The following NUP107 variants were observed in gnomAD, a reference collection of about 807,000 sequenced individuals.
NUP107 encodes nuclear pore complex protein Nup107.
In NUP107, 101 loss-of-function variants were observed where a neutral mutation model predicts 141.0. That is an observed-to-expected ratio of 0.72 (90% CI 0.61 to 0.84). NUP107 has a LOEUF of 0.84. Among genes scored for constraint, NUP107 ranks in the 40% least tolerant of loss-of-function variants. NUP107 has a pLI of 0.00. For synonymous variants in NUP107, 319 were observed against 363.9 expected (o/e 0.88, Z 1.41); for missense variants, 941 against 1,102.7 (o/e 0.85, Z 2.08).
chr12:68,728,861 G>C (rs1877689775), intron 20 of NUP107, among the ~76,000 whole-genome samples: 1 of 151,842 alleles, frequency 6.6e-6, no homozygotes, highest in Admixed American at 6.6e-5. Flanking sequence ...TATGTTGTCT[G>C]TTTACAAGAT....
At chr12:68,687,544 C>T (rs1875559395) in intron 1 of NUP107, 1 of 991,292 alleles carries the variant, frequency 1.0e-6, no homozygotes, top group Non-Finnish European at 1.2e-6. Context: ...AGATCCTTCC[C>T]CTCGGGGAAT....
At chr12:68,707,262 T>G (rs534860548) in intron 8 of NUP107, among the ~76,000 whole-genome samples, 3 of 152,228 alleles carry the variant, frequency 2.0e-5, no homozygotes, top group Admixed American at 6.5e-5. Context: ...TGCAATTTTT[T>G]TTTCCAAAAT....
chr12:68,690,564 GCTTA>G, intron 3 of NUP107, 63 bp from the exon 4 acceptor site: 5 of 1,601,224 alleles, frequency 3.1e-6, no homozygotes, highest in Non-Finnish European at 3.4e-6. Context: ...TTGTTTGTTT[GCTTA>G]CTTTGTTTTG....
intron 5 of NUP107, among the ~76,000 whole-genome samples, chr12:68,692,830 A>C (rs925689701): frequency 6.7e-6 from 1 of 149,796 alleles, no homozygotes; most frequent in Non-Finnish European, 1.5e-5. Context: ...GTTCACTGCA[A>C]CCTCCGCCTC....
At chr12:68,725,837 G>GTT (rs373666468) in intron 18 of NUP107, 41 bp downstream of exon 18, 203,533 of 603,790 alleles carry the variant, frequency 0.34, 21,168 homozygotes, top group African/African-American at 0.41. Flanking sequence ...TTTTGTGTGT[G>GTT]TTTTTTTTTT....
intron 10 of NUP107, among the ~76,000 whole-genome samples, chr12:68,712,954 TAAAG>T (rs1414927744): frequency 6.6e-6 from 1 of 152,082 alleles, no homozygotes; most frequent in Non-Finnish European, 1.5e-5. Context: ...ATAAAGCTTT[TAAAG>T]AAAAGCATAG....
intron 18 of NUP107, among the ~76,000 whole-genome samples, 153 bp from the exon 19 acceptor site, chr12:68,726,346 G>A (rs919576188): frequency 6.6e-6 from 1 of 152,168 alleles, no homozygotes; most frequent in Non-Finnish European, 1.5e-5. Flanking sequence ...CCCAAACTCT[G>A]TTTCAAAGAG....
intron 1 of NUP107, among the ~76,000 whole-genome samples, chr12:68,688,188 T>G (rs1329992875): frequency 1.3e-4 from 8 of 62,996 alleles, no homozygotes; most frequent in Admixed American, 1.2e-3. Flanking sequence ...ATCTGAAGGT[T>G]TTTTTTTTTG....
chr12:68,731,490 A>C (rs1328118695), intron 21 of NUP107, 117 bp from the exon 22 acceptor site: 12 of 615,106 alleles, frequency 2.0e-5, no homozygotes, highest in Non-Finnish European at 2.9e-5. Flanking sequence ...TTCATATTTT[A>C]CATATTTTAT....
At chr12:68,719,295 A>T in intron 12 of NUP107, 46 bp from the exon 13 acceptor site, 1 of 1,428,590 alleles carries the variant, frequency 7.0e-7, no homozygotes, top group Non-Finnish European at 9.8e-7. Context: ...ACTTTACTAT[A>T]AAGCACCCTG....
chr12:68,734,700 C>T lies in NUP107; in HGVS notation c.2263-8C>T. ...TTTATATTTTGGTTTTTTTATTTCA[C>T]ATTTTAGGAAGCCCATGAAACCTTT... On this transcript the variant is annotated splice_polypyrimidine_tract_variant and splice_region_variant and intron_variant, in intron 24 of 27. Coordinates refer to ENST00000229179, the MANE Select transcript of NUP107 (RefSeq NM_020401.4). 6.6e-7 allele frequency: 1 copy of T among 1,514,266 alleles called. No homozygotes were observed. The highest frequency in any genetic ancestry group is 8.8e-7 in the Non-Finnish European group (1 of 1,130,120). The allele number at this position is 1,514,266 out of a possible 1,614,324, so 93.8% of individuals were successfully genotyped here. A position where few individuals can be genotyped will look rare whatever the true frequency, so the allele number is the denominator to read the frequency against.
At chr12:68,707,551 A>T (rs1876650089) in intron 8 of NUP107, among the ~76,000 whole-genome samples, 1 of 152,206 alleles carries the variant, frequency 6.6e-6, no homozygotes, top group Non-Finnish European at 1.5e-5. Context: ...GTGAGCTGTA[A>T]TTGTGCTACT....
In NUP107 at chr12:68,745,628, A is replaced by G. The variant is rs1268370813; in HGVS notation, c.*3166A>G. On this transcript the variant is annotated 3_prime_UTR_variant, in exon 28 of 28. Coordinates refer to ENST00000229179, the MANE Select transcript of NUP107 (RefSeq NM_020401.4). The stretch of plus-strand genomic sequence containing the variant: ...TTTTTCTCGAGTTGTAAGTGAACAC[A>G]GTAGCACTCGTTTACATTGTCAAGG... 2.6e-5 allele frequency: 4 copies of G among 152,162 alleles called. No homozygotes were observed. Among genetic ancestry groups the G allele is most frequent in the Non-Finnish European group, 5.9e-5 (4 of 68,050 alleles). The allele number at this position is 152,162 out of a possible 1,614,324, so 9.4% of individuals were successfully genotyped here. A position where few individuals can be genotyped will look rare whatever the true frequency, so the allele number is the denominator to read the frequency against.
chr12:68,693,269 G>T lies in NUP107; in HGVS notation c.448+1157G>T, dbSNP rs548355684. On this transcript the variant is annotated intron_variant, in intron 5 of 27. Transcript: ENST00000229179. ...ATTTTTGTATTTTTAGTAGAGAGAG[G>T]TTTCACCATTTTGGCCAGGCTGATC... Among the ~76,000 whole-genome samples, 5 of 152,000 alleles carry T rather than the reference G, an allele frequency of 3.3e-5. No homozygotes were observed. In the East Asian group the frequency reaches 7.7e-4, roughly 24 times the overall value.
chr12:68,722,262 A>G (rs1421821126), intron 17 of NUP107, 110 bp downstream of exon 17: 16 of 791,622 alleles, frequency 2.0e-5, no homozygotes, highest in Non-Finnish European at 2.9e-5. Context: ...TTTCTCACCT[A>G]TTAAAATAAG....
At position 68,721,163 on chromosome 12, in the gene NUP107, G is replaced by A; in HGVS notation, c.1297G>A (p.Gly433Arg). 6.2e-7 allele frequency: 1 copy of A among 1,607,532 alleles called. No homozygotes were observed. The highest frequency in any genetic ancestry group is 8.5e-7 in the Non-Finnish European group (1 of 1,175,228). ...GAGAGCAATTTATGCAGCTTTAAGTGGGAATCTTAAGCAGGTATGCAATCT... is the reference window on the plus strand; with the variant it reads ...GAGAGCAATTTATGCAGCTTTAAGTAGGAATCTTAAGCAGGTATGCAATCT... ...YERAIYAALS[G>R]NLKQLLPVCD... The change falls in exon 15 of 28, where the codon GGG (glycine) becomes AGG (arginine). Residue 433 changes from glycine (G) to arginine (R), a missense_variant. Coordinates refer to ENST00000229179, the MANE Select transcript of NUP107 (RefSeq NM_020401.4).
intron 12 of NUP107, among the ~76,000 whole-genome samples, chr12:68,716,895 A>G (rs1214015940): frequency 1.3e-5 from 2 of 151,720 alleles, no homozygotes; most frequent in African/African-American, 4.8e-5. Context: ...TTAATTTCTT[A>G]TGTAATTTCT....
At chr12:68,708,420 A>G (rs1876695849) in intron 8 of NUP107, among the ~76,000 whole-genome samples, 1 of 152,176 alleles carries the variant, frequency 6.6e-6, no homozygotes, top group Non-Finnish European at 1.5e-5. Context: ...TGGTCACAAT[A>G]TATTATCCTT....
chr12:68,723,043 G>C (rs1423125006), intron 17 of NUP107, among the ~76,000 whole-genome samples: 1 of 152,112 alleles, frequency 6.6e-6, no homozygotes, highest in African/African-American at 2.4e-5. Context: ...ATTCTCTGAA[G>C]ACATCAGGTT....
Sources: allele counts gnomAD v4.1 joint callset (sites outside exome capture counted in the v4.1 genomes callset), GRCh38; gene constraint gnomAD v4.1.1; transcripts MANE v1.5; gene names NCBI Gene and HGNC (gene_info 2026-07-23, HGNC 2026-07-21).